Variants in ESRRG observed in about 807,000 individuals in gnomAD.
The protein encoded by ESRRG is estrogen related receptor gamma.
Under a neutral mutation model 44.0 loss-of-function variants are expected in ESRRG, and 13 were observed. That is an observed-to-expected ratio of 0.30 (90% CI 0.19 to 0.47). The LOEUF (loss-of-function observed/expected upper bound fraction) is 0.47, where lower values mean the gene tolerates loss of function less well. ESRRG is among the 20% of genes least tolerant of loss of function. The pLI is 1.00. For missense variants in ESRRG, 395 were observed against 580.6 expected (o/e 0.68, Z 3.29); for synonymous variants, 215 against 214.6 (o/e 1.00, Z -0.02).
In ESRRG at chr1:216,504,366, G is replaced by A. The variant is rs896036181; in HGVS notation, c.*2573C>T. On this transcript the variant is annotated 3_prime_UTR_variant, in exon 7 of 7. Transcript: ENST00000408911. ...TCTGTTGTTATTTTTAAAGGGATGT[G>A]CCAATTTCTGAACTCCTATCACAGC... is the stretch of plus-strand genomic sequence containing the variant. 1 of 152,348 alleles carries A rather than the reference G, an allele frequency of 6.6e-6. No homozygotes were observed. Among genetic ancestry groups the A allele is most frequent in the Non-Finnish European group, 1.5e-5 (1 of 67,954 alleles). 9.4% of individuals were successfully genotyped at this position (152,348 alleles called of 1,614,324 possible). A position where few individuals can be genotyped will look rare whatever the true frequency, so the allele number is the denominator to read the frequency against.
At chr1:217,031,741 T>C (rs758182937) in intron 1 of ESRRG, among the ~76,000 whole-genome samples, 20 of 152,196 alleles carry the variant, frequency 1.3e-4, no homozygotes, top group African/African-American at 3.1e-4. Context: ...ATTCTCACGA[T>C]GATAAGTTCT....
intron 1 of ESRRG, among the ~76,000 whole-genome samples, chr1:216,967,005 T>C (rs888858567): frequency 6.6e-6 from 1 of 152,150 alleles, no homozygotes; most frequent in Non-Finnish European, 1.5e-5. Context: ...TGAACTGGAC[T>C]ACCTGAGTTT....
At chr1:216,522,785 T>C (rs570000147) in intron 5 of ESRRG, among the ~76,000 whole-genome samples, 1 of 152,276 alleles carries the variant, frequency 6.6e-6, no homozygotes, top group East Asian at 1.9e-4. Context: ...TAAATGAAAA[T>C]GCATGTTTTA....
chr1:216,839,446 A>G (rs57789532), intron 2 of ESRRG, among the ~76,000 whole-genome samples: 2,178 of 152,292 alleles, frequency 0.014, 63 homozygotes, highest in African/African-American at 0.05. Context: ...ACCACCTTTT[A>G]TGAATCACAA....
At chr1:216,710,913 A>G (rs2083457723) in intron 1 of ESRRG, among the ~76,000 whole-genome samples, 1 of 152,202 alleles carries the variant, frequency 6.6e-6, no homozygotes, top group African/African-American at 2.4e-5. Flanking sequence ...AAACTCCAAG[A>G]CTGACAGTGG....
chr1:216,550,079 C>T (rs2055815212), intron 5 of ESRRG, among the ~76,000 whole-genome samples: 2 of 152,098 alleles, frequency 1.3e-5, no homozygotes, highest in Non-Finnish European at 2.9e-5. Flanking sequence ...CCATTTGAAG[C>T]TTGTCTGTGA....
chr1:216,977,341 T>TATATACACACACACACAC (rs146010546), intron 1 of ESRRG, among the ~76,000 whole-genome samples: 3 of 144,086 alleles, frequency 2.1e-5, no homozygotes, highest in East Asian at 2.1e-4. Context: ...GGAGGATACA[T>TATATACACACACACACAC]ACACACACAC....
chr1:216,811,187 T>A (rs1360202512), intron 2 of ESRRG, among the ~76,000 whole-genome samples: 1 of 152,182 alleles, frequency 6.6e-6, no homozygotes, highest in African/African-American at 2.4e-5. Context: ...TGGGAGAAGA[T>A]AGGACCTATC....
At chr1:217,034,128 C>A (rs1256879944) in intron 1 of ESRRG, among the ~76,000 whole-genome samples, 1 of 152,018 alleles carries the variant, frequency 6.6e-6, no homozygotes, top group African/African-American at 2.4e-5. Context: ...TACAATAGGA[C>A]CTACAAAACA....
intron 5 of ESRRG, among the ~76,000 whole-genome samples, chr1:216,524,221 A>G (rs2046956046): frequency 7.2e-6 from 1 of 138,802 alleles, no homozygotes; most frequent in South Asian, 2.3e-4. Context: ...AACTTTATAT[A>G]TATATATACA....
In ESRRG at chr1:217,026,904, C is replaced by CAT. The variant is rs1487196305; in HGVS notation, c.-106+62602_-106+62603insAT. 5.5e-3 allele frequency among the ~76,000 whole-genome samples: 440 copies of CAT among 80,402 alleles called. 1 individual carries two copies. Among genetic ancestry groups the CAT allele is most frequent in the Non-Finnish European group, 8.7e-3 (323 of 37,260 alleles). 52.7% of individuals were successfully genotyped at this position (80,402 alleles called of 152,430 possible). A position where few individuals can be genotyped will look rare whatever the true frequency, so the allele number is the denominator to read the frequency against. On this transcript the variant is annotated intron_variant, in intron 1 of 7. Transcript: ENST00000359162. ...ACACACACATACACACACACACACA[C>CAT]ACACACACAGAGAGAGAGAGAGAGA...
At chr1:217,013,435 C>T (rs1560471004) in intron 1 of ESRRG, among the ~76,000 whole-genome samples, 1 of 152,164 alleles carries the variant, frequency 6.6e-6, no homozygotes, top group Non-Finnish European at 1.5e-5. Context: ...AATTGCATAA[C>T]TTTTGTTGTT....
At chr1:216,964,311 C>T (rs371141626) in intron 1 of ESRRG, among the ~76,000 whole-genome samples, 170 of 152,266 alleles carry the variant, frequency 1.1e-3, no homozygotes, top group African/African-American at 4.0e-3. Flanking sequence ...ATGGCCTTAG[C>T]TGCTTTGCAA....
At chr1:217,098,237 A>G (rs185174968) in intron 1 of ESRRG, among the ~76,000 whole-genome samples, 2 of 152,134 alleles carry the variant, frequency 1.3e-5, no homozygotes, top group African/African-American at 4.8e-5. Context: ...TTATAAATGA[A>G]CCCTAGACAG....
intron 2 of ESRRG, among the ~76,000 whole-genome samples, chr1:216,915,248 C>A (rs779549972): frequency 1.3e-5 from 2 of 152,132 alleles, no homozygotes; most frequent in African/African-American, 4.8e-5. Context: ...TTGAAGAAGA[C>A]AAAGAAGATA....
At chr1:216,943,178 G>C (rs1401574508) in intron 1 of ESRRG, among the ~76,000 whole-genome samples, 1 of 152,160 alleles carries the variant, frequency 6.6e-6, no homozygotes, top group Non-Finnish European at 1.5e-5. Flanking sequence ...TGGTTGTGTA[G>C]TATGAGAGAG....
At chr1:216,840,609 G>C (rs1309890609) in intron 2 of ESRRG, among the ~76,000 whole-genome samples, 2 of 152,156 alleles carry the variant, frequency 1.3e-5, no homozygotes, top group Non-Finnish European at 2.9e-5. Context: ...TCCTCTGTAA[G>C]CTAAATCATT....
At chr1:216,999,358 T>C (rs2076741864) in intron 1 of ESRRG, among the ~76,000 whole-genome samples, 2 of 152,214 alleles carry the variant, frequency 1.3e-5, no homozygotes, top group African/African-American at 4.8e-5. Flanking sequence ...AGAGCCACTC[T>C]TTATCAAGCA....
chr1:217,083,027 G>T (rs758160569), intron 1 of ESRRG, among the ~76,000 whole-genome samples: 2 of 152,118 alleles, frequency 1.3e-5, no homozygotes, highest in Non-Finnish European at 2.9e-5. Context: ...CTAGATAAAT[G>T]ATAAACTCTC....
Sources: gnomAD v4.1 joint callset for allele counts (sites outside exome capture counted in the v4.1 genomes callset) on GRCh38, gnomAD v4.1.1 for gene constraint, MANE v1.5 for transcripts, NCBI Gene and HGNC (gene_info 2026-07-23, HGNC 2026-07-21) for gene names.